NIN: variants seen among roughly 807,000 people sequenced by gnomAD.
The protein encoded by NIN is ninein.
A neutral mutation model predicts 257.6 loss-of-function variants in NIN; 137 were observed. The observed-to-expected ratio is 0.53, with a 90% CI of 0.46 to 0.61. The LOEUF is 0.61. Among genes scored for constraint, NIN ranks in the 20% least tolerant of loss-of-function variants. NIN has a pLI of 0.00. For synonymous variants in NIN, 918 were observed against 919.8 expected (o/e 1.00, Z 0.04); for missense variants, 2,439 against 2,501.2 (o/e 0.98, Z 0.53).
At chr14:50,738,362 G>T in intron 26 of NIN, 76 bp from the exon 27 acceptor site, 2 of 1,323,690 alleles carry the variant, frequency 1.5e-6, no homozygotes, top group Non-Finnish European at 1.1e-6. Context: ...CATAGGGAAA[G>T]TTTTAATTCA....
chr14:50,766,647 C>T (rs2042500602), intron 13 of NIN, 133 bp downstream of exon 13: 1 of 675,546 alleles, frequency 1.5e-6, no homozygotes, highest in Non-Finnish European at 2.6e-6. Context: ...TATATCCCTA[C>T]AAAAGTTAGA....
chr14:50,828,825 T>A (rs1239480542), intron 2 of NIN, among the ~76,000 whole-genome samples: 1 of 152,250 alleles, frequency 6.6e-6, no homozygotes, highest in Non-Finnish European at 1.5e-5. Flanking sequence ...ACTGGAGCCC[T>A]ATTCTCCCCC....
Position 50,726,010 on chromosome 14 carries a change from C to A in NIN, c.6135G>T (p.Gln2045His). 6.2e-7 allele frequency: 1 copy of A among 1,614,114 alleles called. No individual in the cohort carries two copies. The highest frequency in any genetic ancestry group is 8.5e-7 in the Non-Finnish European group (1 of 1,179,970). The change falls in exon 30 of 31, where the codon CAG (glutamine) becomes CAT (histidine). Residue 2045 changes from glutamine to histidine, a missense_variant. Physicochemically the swap from Gln to His is conservative, Grantham distance 24. Transcript: ENST00000530997. ...GAAGCCTTTTCACTAGTTTCAGTTT[C>A]TGTTCAACTTCTATCATTCGTTCCT... is the stretch of plus-strand genomic sequence containing the variant. ...VMEERMIEVEQKLKLVKRLLQ... is the reference protein window; with the variant it reads ...VMEERMIEVEHKLKLVKRLLQ...
Position 50,756,897 on chromosome 14 carries a change from C to T in NIN, c.4133G>A (p.Arg1378Lys). Residue 1378 changes from arginine to lysine, a missense_variant, in exon 18 of 31, where the codon AGG (arginine) becomes AAG (lysine). Arg to Lys is a conservative substitution (Grantham distance 26). Coordinates refer to ENST00000530997, the MANE Select transcript of NIN (RefSeq NM_020921.4). ...QTLEECVPRVRSVHHVIEECK... is the reference protein window; with the variant it reads ...QTLEECVPRVKSVHHVIEECK... ...TTCCTCTATGACATGATGTACACTC[C>T]TAACCCTGGGCACACACTCTTCCAG... 1 of 1,556,368 alleles carries T rather than the reference C, an allele frequency of 6.4e-7. No individual in the cohort carries two copies. The highest frequency in any genetic ancestry group is 8.7e-7 in the Non-Finnish European group (1 of 1,148,880).
chr14:50,818,307 C>T (rs571868879), intron 3 of NIN, among the ~76,000 whole-genome samples: 25 of 100,356 alleles, frequency 2.5e-4, no homozygotes, highest in Middle Eastern at 5.4e-3. Context: ...TGGGCGACGG[C>T]GAGACTCTGT....
In NIN at chr14:50,766,938, C is replaced by T. The variant is rs76145693; in HGVS notation, c.1435-48G>A. 1.1e-3 allele frequency: 1,423 copies of T among 1,249,380 alleles called. 10 individuals carry two copies. In the African/African-American group the frequency reaches 0.019, roughly 16 times the overall value. 77.4% of individuals were successfully genotyped at this position (1,249,380 alleles called of 1,614,324 possible). ...AATGTGGTACAGATTAAGAAATTAG[C>T]AAACTGTGGTACTATTTTATATACA... On this transcript the variant is annotated intron_variant, in intron 12 of 30. Coordinates refer to ENST00000530997, the MANE Select transcript of NIN (RefSeq NM_020921.4).
At chr14:50,812,702 G>A (rs1034297669) in intron 3 of NIN, among the ~76,000 whole-genome samples, 7 of 152,168 alleles carry the variant, frequency 4.6e-5, no homozygotes, top group Non-Finnish European at 8.8e-5. Context: ...GTTTTGCAAC[G>A]CTTGAATTCT....
chr14:50,749,224 T>C (rs1320304610), intron 21 of NIN, among the ~76,000 whole-genome samples: 4 of 152,198 alleles, frequency 2.6e-5, no homozygotes, highest in African/African-American at 9.6e-5. Flanking sequence ...GATTCCCTAT[T>C]TAATAAATGG....
intron 22 of NIN, among the ~76,000 whole-genome samples, chr14:50,745,107 A>C (rs1419878101): frequency 6.6e-6 from 1 of 151,960 alleles, no homozygotes; most frequent in African/African-American, 2.4e-5. Flanking sequence ...TTTCCTCTCC[A>C]CTTCATGAAA....
intron 8 of NIN, among the ~76,000 whole-genome samples, chr14:50,772,735 A>C (rs1016434347): frequency 3.0e-4 from 46 of 152,250 alleles, no homozygotes; most frequent in African/African-American, 1.0e-3. Context: ...CAGAGCTGAC[A>C]TGACAAGGCA....
chr14:50,754,794 T>G lies in NIN; in HGVS notation c.4612A>C (p.Ser1538Arg). 4 of 1,583,560 alleles carry G rather than the reference T, an allele frequency of 2.5e-6. No individual in the cohort carries two copies. The highest frequency in any genetic ancestry group is 3.4e-6 in the Non-Finnish European group (4 of 1,160,174). Residue 1538 changes from serine to arginine, a missense_variant, in exon 19 of 31, where the codon AGC becomes CGC. Ser to Arg is a moderately radical substitution (Grantham distance 110, BLOSUM62 -1). Coordinates refer to ENST00000530997, the MANE Select transcript of NIN (RefSeq NM_020921.4). ...NEITTLNEED[S>R]ISNLKLGTLN... ...GTCCCTAATTTCAGGTTAGAAATGC[T>G]ATCTTCTTCATTTAAAGTAGTAATT...
chr14:50,740,398 G>C (rs920638427), intron 25 of NIN, among the ~76,000 whole-genome samples: 1 of 150,602 alleles, frequency 6.6e-6, no homozygotes. Flanking sequence ...GCCCAGGCTG[G>C]AGTGCAGTGG....
chr14:50,782,177 A>G (rs1466815306), intron 5 of NIN, among the ~76,000 whole-genome samples: 3 of 152,200 alleles, frequency 2.0e-5, no homozygotes, highest in African/African-American at 7.2e-5. Flanking sequence ...TTTATATGTT[A>G]TGGGTAGCAC....
chr14:50,740,020 A>C (rs1191872343), intron 25 of NIN, among the ~76,000 whole-genome samples: 2 of 152,204 alleles, frequency 1.3e-5, no homozygotes, highest in African/African-American at 4.8e-5. Context: ...TGAATTCAGA[A>C]ATGTGCTTTC....
chr14:50,803,052 A>G (rs549396951), intron 4 of NIN, among the ~76,000 whole-genome samples: 1 of 152,222 alleles, frequency 6.6e-6, no homozygotes, highest in South Asian at 2.1e-4. Flanking sequence ...AAAAAGGCAA[A>G]ACAAAAATAA....
chr14:50,819,068 T>A (rs1013605283), intron 3 of NIN, among the ~76,000 whole-genome samples: 1 of 152,212 alleles, frequency 6.6e-6, no homozygotes, highest in Non-Finnish European at 1.5e-5. Flanking sequence ...TGTATTTGAT[T>A]TAAAAATTAT....
At chr14:50,754,168 A>C (rs1347348293) in intron 20 of NIN, among the ~76,000 whole-genome samples, 1 of 152,244 alleles carries the variant, frequency 6.6e-6, no homozygotes, top group African/African-American at 2.4e-5. Flanking sequence ...TATGCTGATT[A>C]GCTGGCATTC....
At chr14:50,747,099 C>T (rs184890490) in intron 22 of NIN, among the ~76,000 whole-genome samples, 4 of 152,290 alleles carry the variant, frequency 2.6e-5, no homozygotes, top group Admixed American at 2.6e-4. Flanking sequence ...AAGTGATCTG[C>T]CCACCTTGGC....
At chr14:50,753,224 A>AC (rs1385831351) in intron 20 of NIN, among the ~76,000 whole-genome samples, 1 of 151,898 alleles carries the variant, frequency 6.6e-6, no homozygotes, top group Non-Finnish European at 1.5e-5. Context: ...ATATGATGAA[A>AC]CCCCATCTCT....
Sources: allele counts gnomAD v4.1 joint callset (sites outside exome capture counted in the v4.1 genomes callset), GRCh38; gene constraint gnomAD v4.1.1; transcripts MANE v1.5; gene names NCBI Gene and HGNC (gene_info 2026-07-23, HGNC 2026-07-21).